The following ALG12 variants were observed in gnomAD, a reference collection of about 807,000 sequenced individuals.
The protein encoded by ALG12 is dol-P-Man:Man(7)GlcNAc(2)-PP-Dol alpha-1,6-mannosyltransferase.
ALG12 carries 36 observed loss-of-function variants against 46.0 expected under a neutral mutation model. The observed-to-expected ratio is 0.78, with a 90% CI of 0.60 to 1.03. ALG12 has a LOEUF of 1.03. ALG12 is among the 50% of genes least tolerant of loss of function. The pLI is 0.00. For synonymous variants in ALG12, 326 were observed against 291.6 expected (o/e 1.12, Z -1.20); for missense variants, 599 against 633.5 (o/e 0.95, Z 0.58).
chr22:49,883,420 T>C, the ALG12 span: 3 of 413,134 alleles, frequency 7.3e-6, no homozygotes, highest in Admixed American at 4.0e-5. Flanking sequence ...GCTGCACACA[T>C]TGTTGTCTAC....
the ALG12 span, chr22:49,885,883 C>A: frequency 8.3e-7 from 1 of 1,208,506 alleles, no homozygotes; most frequent in Non-Finnish European, 1.2e-6. Flanking sequence ...TAACCAGACC[C>A]GTGAGTACCT....
rs371754539 is a variant in ALG12, at chr22:49,907,949, G to A, written c.769-5C>T. 1.6e-5 allele frequency: 26 copies of A among 1,611,332 alleles called. No individual in the cohort carries two copies. Among genetic ancestry groups the A allele is most frequent in the South Asian group, 2.2e-5 (2 of 91,042 alleles). On this transcript the variant is annotated splice_region_variant and splice_polypyrimidine_tract_variant and intron_variant, in intron 6 of 9. Coordinates refer to ENST00000330817, the MANE Select transcript of ALG12 (RefSeq NM_024105.4). Reference sequence around the variant, plus strand: ...GTACCACAGCAGCGGGGAGGTCTGCGGGCTGGGTTAAGGAGGCCACGCACC... The same window carrying A: ...GTACCACAGCAGCGGGGAGGTCTGCAGGCTGGGTTAAGGAGGCCACGCACC...
At chr22:49,895,467 C>T (rs970769409), downstream of ALG12, among the ~76,000 whole-genome samples, 25 of 151,972 alleles carry the variant, frequency 1.6e-4, no homozygotes, top group Admixed American at 8.5e-4. Flanking sequence ...GCCTGGCCAA[C>T]GTGGTGAAAC....
the ALG12 span, chr22:49,886,551 C>A: frequency 6.4e-7 from 1 of 1,563,222 alleles, no homozygotes; most frequent in East Asian, 2.2e-5. The surrounding 1 kb of genome is among the most constrained non-coding windows in gnomAD (Gnocchi z 7.7). Context: ...TGGTACACAT[C>A]CTCAACAGGA....
the ALG12 span, among the ~76,000 whole-genome samples, chr22:49,865,114 C>T: frequency 1.3e-5 from 2 of 152,040 alleles, no homozygotes; most frequent in Non-Finnish European, 2.9e-5. Context: ...TTGTGTGAAC[C>T]TCATAGAGTG....
Position 49,903,992 on chromosome 22 carries a change from G to C in ALG12, c.1313C>G (p.Pro438Arg). 1 of 1,614,210 alleles carries C rather than the reference G, an allele frequency of 6.2e-7. No homozygotes were observed. Among genetic ancestry groups the C allele is most frequent in the South Asian group, 1.1e-5 (1 of 91,090 alleles). Residue 438 changes from proline (P) to arginine (R), a missense_variant, in exon 10 of 10, where the codon CCT becomes CGT. By Grantham distance (103) the Pro-to-Arg change is moderately radical. Transcript: ENST00000330817. ...GTCCCTGTAGAGGGCCAGGAGCCCAGGGGCCGCCTCCATGAGGATGTGTGT... is the reference window on the plus strand; with the variant it reads ...GTCCCTGTAGAGGGCCAGGAGCCCACGGGCCGCCTCCATGAGGATGTGTGT... ...AYTHILMEAA[P>R]GLLALYRDTH...
the ALG12 span, among the ~76,000 whole-genome samples, chr22:49,860,299 AAAAAC>A: frequency 1.2e-4 from 18 of 152,372 alleles, no homozygotes; most frequent in East Asian, 1.3e-3. Context: ...ACCCTGTATC[AAAAAC>A]AAAACAAAAC....
the ALG12 span, among the ~76,000 whole-genome samples, chr22:49,874,189 C>T: frequency 1.3e-5 from 2 of 151,808 alleles, no homozygotes; most frequent in Non-Finnish European, 2.9e-5. Context: ...CGAGGGGAAG[C>T]ACTCACTCTT....
chr22:49,886,807 TG>T, the ALG12 span: 1 of 1,613,106 alleles, frequency 6.2e-7, no homozygotes, highest in Non-Finnish European at 8.5e-7. The surrounding 1 kb of genome is among the most constrained non-coding windows in gnomAD (Gnocchi z 7.7). Flanking sequence ...CTCCCACAGG[TG>T]TGATGCTGGC....
At chr22:49,910,248 G>A (rs1013815323) in intron 4 of ALG12, among the ~76,000 whole-genome samples, 160 bp from the exon 5 acceptor site, 1 of 152,258 alleles carries the variant, frequency 6.6e-6, no homozygotes, top group African/African-American at 2.4e-5. Flanking sequence ...CTATGCTGTT[G>A]GCCAGGAAGT....
rs149583173 is a variant in ALG12 at position 49,914,502 on chromosome 22, G to C, written c.-78-659C>G. On this transcript the variant is annotated intron_variant, in intron 1 of 9. Transcript: ENST00000330817. ...CCTGCATGTGAGCCTGGGAAGACTG[G>C]CAATGGGTCCCCCAAACACTAACAG... Among the ~76,000 whole-genome samples, 373 of 152,310 alleles carry C rather than the reference G, an allele frequency of 2.4e-3. 6 individuals are homozygous for C. Among genetic ancestry groups the C allele is most frequent in the African/African-American group, 8.9e-3 (369 of 41,568 alleles).
chr22:49,880,076 A>C, the ALG12 span, among the ~76,000 whole-genome samples: 1 of 151,736 alleles, frequency 6.6e-6, no homozygotes, highest in Non-Finnish European at 1.5e-5. Context: ...TGCTGTTGAG[A>C]CTTGTTTTAG....
At chr22:49,898,806 A>G (rs1446103548), downstream of ALG12, among the ~76,000 whole-genome samples, 1 of 151,958 alleles carries the variant, frequency 6.6e-6, no homozygotes, top group Non-Finnish European at 1.5e-5. Context: ...AGGCTGGAGC[A>G]CAGTGGTGCA....
chr22:49,883,063 T>A, the ALG12 span, among the ~76,000 whole-genome samples: 1 of 152,366 alleles, frequency 6.6e-6, no homozygotes, highest in South Asian at 2.1e-4. Flanking sequence ...GCAACCTCTT[T>A]ATACCATTCT....
At chr22:49,914,224 C>T (rs1179243314) in intron 1 of ALG12, among the ~76,000 whole-genome samples, 1 of 152,182 alleles carries the variant, frequency 6.6e-6, no homozygotes, top group Non-Finnish European at 1.5e-5. Context: ...CTGAAGAAGA[C>T]GGAATGGGAG....
rs192375298 is a variant in ALG12 at position 49,911,678 on chromosome 22, C to T, written c.296-1071G>A. Among the ~76,000 whole-genome samples the T allele has an allele frequency of 3.3e-3, 496 of 152,310 alleles. 9 individuals are homozygous for T. The highest frequency in any genetic ancestry group is 0.011 in the African/African-American group (478 of 41,568). ...CAAACTCCTGACCTCAGGTGATCCC[C>T]CCGCCTCGGCCTCCCAAAGTGCTGG... On this transcript the variant is annotated intron_variant, in intron 3 of 9. Transcript: ENST00000330817.
At chr22:49,911,184 G>A (rs1466642907) in intron 3 of ALG12, among the ~76,000 whole-genome samples, 1 of 152,252 alleles carries the variant, frequency 6.6e-6, no homozygotes, top group African/African-American at 2.4e-5. Context: ...CCGCTGGCAA[G>A]AGACTGAAAA....
the ALG12 span, among the ~76,000 whole-genome samples, chr22:49,864,950 C>CGCCG: frequency 3.9e-4 from 29 of 74,748 alleles, 6 homozygotes; most frequent in African/African-American, 4.6e-3. Context: ...CCCCCCCCCC[C>CGCCG]CCGTGAAGTC....
At chr22:49,885,989 A>G in the ALG12 span, 1 of 695,272 alleles carries the variant, frequency 1.4e-6, no homozygotes, top group Middle Eastern at 2.5e-4. Flanking sequence ...TCGCAGGTGG[A>G]CTGCGACTAC....
Sources: allele counts gnomAD v4.1 joint callset (sites outside exome capture counted in the v4.1 genomes callset), GRCh38; gene constraint gnomAD v4.1.1; non-coding constraint Gnocchi (gnomAD v3.1); transcripts MANE v1.5; gene names NCBI Gene and HGNC (gene_info 2026-07-23, HGNC 2026-07-21).